Variants in SGCD observed in about 807,000 individuals in gnomAD.
The protein encoded by SGCD is sarcoglycan delta.
Under a neutral mutation model 36.6 loss-of-function variants are expected in SGCD, and 18 were observed. The observed-to-expected ratio is 0.49, with a 90% confidence interval of 0.34 to 0.73. SGCD has a LOEUF of 0.73. SGCD is among the 30% of genes least tolerant of loss of function. SGCD has a pLI of 0.01. For synonymous variants in SGCD, 133 were observed against 130.6 expected (o/e 1.02, Z -0.12); for missense variants, 387 against 346.7 (o/e 1.12, Z -0.92).
intron 1 of SGCD, among the ~76,000 whole-genome samples, chr5:155,887,555 C>T (rs980288762): frequency 4.6e-5 from 7 of 152,150 alleles, no homozygotes; most frequent in African/African-American, 7.2e-5. Flanking sequence ...AGCTGTGTGA[C>T]CCAAGCTGCT....
intron 3 of SGCD, among the ~76,000 whole-genome samples, chr5:156,397,458 T>C (rs1771920373): frequency 6.6e-6 from 1 of 152,178 alleles, no homozygotes; most frequent in South Asian, 2.1e-4. Context: ...TACTTTTTCC[T>C]CTCCGTTCTA....
intron 3 of SGCD, among the ~76,000 whole-genome samples, chr5:156,428,898 A>G (rs1019841327): frequency 1.3e-5 from 2 of 152,052 alleles, no homozygotes; most frequent in Non-Finnish European, 1.5e-5. Flanking sequence ...ATCAGAGAAG[A>G]TACTTGATGT....
rs142658095 is a variant in SGCD, at chr5:156,091,744, G to A, written c.-281-26134G>A. Among the ~76,000 whole-genome samples, 11 of 152,294 alleles carry A rather than the reference G, an allele frequency of 7.2e-5. No individual in the cohort carries two copies. In the East Asian group the frequency reaches 9.7e-4, roughly 13 times the overall value. ...CATCAAAGAAGATGGTCTGGTATTC[G>A]CCCATTCACCCTGCAATGAGCCAGT... On this transcript the variant is annotated intron_variant, in intron 1 of 9. Coordinates refer to the SGCD transcript ENST00000517913.
At chr5:156,193,462 G>T (rs1443093297) in intron 3 of SGCD, among the ~76,000 whole-genome samples, 1 of 152,128 alleles carries the variant, frequency 6.6e-6, no homozygotes, top group African/African-American at 2.4e-5. Context: ...TCCAAAAGAT[G>T]CTTGCATTTC....
intron 3 of SGCD, among the ~76,000 whole-genome samples, chr5:156,487,813 A>AAAAAAAAAAAAAAAAAAAAAAAG (rs1554107842): frequency 2.6e-5 from 2 of 77,814 alleles, no homozygotes; most frequent in African/African-American, 8.7e-5. Context: ...AAAAAAAAAA[A>AAAAAAAAAAAAAAAAAAAAAAAG]AAAGAAAGAA....
At chr5:155,848,339 A>G in the SGCD span, among the ~76,000 whole-genome samples, 1 of 152,138 alleles carries the variant, frequency 6.6e-6, no homozygotes, top group African/African-American at 2.4e-5. Flanking sequence ...TATGTTCTCT[A>G]TGTCCATATA....
At chr5:156,489,803 C>T (rs548576545) in intron 3 of SGCD, among the ~76,000 whole-genome samples, 8 of 151,860 alleles carry the variant, frequency 5.3e-5, no homozygotes, top group African/African-American at 1.4e-4. Flanking sequence ...CCTAATGATA[C>T]ACAACCTCAA....
chr5:156,075,862 T>G (rs907429689), intron 1 of SGCD, among the ~76,000 whole-genome samples: 8 of 152,220 alleles, frequency 5.3e-5, no homozygotes, highest in Non-Finnish European at 1.2e-4. Flanking sequence ...TACTTGCAGC[T>G]CATCTCCAGA....
intron 3 of SGCD, 61 bp downstream of exon 3, chr5:156,344,738 T>C: frequency 7.8e-7 from 1 of 1,287,984 alleles, no homozygotes; most frequent in Non-Finnish European, 1.1e-6. Flanking sequence ...TGGGGCAAGA[T>C]GATGAAGGAA....
chr5:156,247,285 T>C (rs1765461817), intron 3 of SGCD, among the ~76,000 whole-genome samples: 1 of 152,214 alleles, frequency 6.6e-6, no homozygotes, highest in African/African-American at 2.4e-5. Context: ...TTCCCGTTTT[T>C]TGAAACTCAT....
chr5:156,256,209 T>C (rs913054143), intron 3 of SGCD, among the ~76,000 whole-genome samples: 1 of 152,238 alleles, frequency 6.6e-6, no homozygotes, highest in Non-Finnish European at 1.5e-5. Context: ...TGTTATTTTG[T>C]TTAATAAGCA....
chr5:156,378,186 C>T (rs187865787), intron 3 of SGCD, among the ~76,000 whole-genome samples: 1 of 152,138 alleles, frequency 6.6e-6, no homozygotes. Context: ...AAATTCTGAC[C>T]TGTTTTGCAA....
chr5:156,249,528 G>A (rs570477293), intron 3 of SGCD, among the ~76,000 whole-genome samples: 231 of 152,292 alleles, frequency 1.5e-3, no homozygotes, highest in Non-Finnish European at 2.8e-3. Flanking sequence ...GACACTCACA[G>A]ATTTCAAGAC....
chr5:156,481,775 A>G (rs980149), intron 3 of SGCD, among the ~76,000 whole-genome samples: 75,527 of 152,014 alleles, frequency 0.5, 18,952 homozygotes, highest in Middle Eastern at 0.71. Flanking sequence ...TCTGAGGTCA[A>G]GGAGCACACC....
chr5:156,176,424 T>G (rs538803750), intron 3 of SGCD, among the ~76,000 whole-genome samples: 1 of 152,212 alleles, frequency 6.6e-6, no homozygotes, highest in Non-Finnish European at 1.5e-5. Context: ...TTTTTTGATA[T>G]GCTAGGAGAT....
the SGCD span, among the ~76,000 whole-genome samples, chr5:155,827,793 C>T: frequency 6.7e-6 from 1 of 149,332 alleles, no homozygotes; most frequent in African/African-American, 2.5e-5. Context: ...ATTCTCCTGC[C>T]TCAGCCTCCC....
At chr5:156,600,527 T>C (rs1761150042) in intron 6 of SGCD, among the ~76,000 whole-genome samples, 1 of 152,214 alleles carries the variant, frequency 6.6e-6, no homozygotes, top group Admixed American at 6.5e-5. Context: ...AGTATTCCAT[T>C]GTGTACACAT....
chr5:156,186,047 A>T (rs11135087), intron 3 of SGCD, among the ~76,000 whole-genome samples: 104,027 of 149,318 alleles, frequency 0.7, 36,869 homozygotes, highest in Admixed American at 0.77. Flanking sequence ...TGGCCACTTT[A>T]ATGTTTACTA....
intron 7 of SGCD, among the ~76,000 whole-genome samples, chr5:156,730,766 TAGTTCTGTCTTTAGGTCTTTA>T (rs761116499): frequency 4.5e-4 from 69 of 152,260 alleles, no homozygotes; most frequent in Non-Finnish European, 7.8e-4. Flanking sequence ...GGTCAAATGG[TAGTTCTGTCTTTAGGTCTTTA>T]AGTTCTGTCT....
Sources: allele counts gnomAD v4.1 joint callset (sites outside exome capture counted in the v4.1 genomes callset), GRCh38; gene constraint gnomAD v4.1.1; transcripts MANE v1.5; gene names NCBI Gene and HGNC (gene_info 2026-07-23, HGNC 2026-07-21).